The following SNTG2 variants were observed in gnomAD, a reference collection of about 807,000 sequenced individuals.
SNTG2 encodes gamma-2-syntrophin.
SNTG2 carries 74 observed loss-of-function variants against 70.9 expected under a neutral mutation model. The ratio of observed to expected loss-of-function variants is 1.04; its 90% CI spans 0.86 to 1.27. SNTG2 has a LOEUF of 1.27. SNTG2 is among the 50% of genes most tolerant of loss of function. The pLI, the probability that SNTG2 is intolerant of heterozygous loss-of-function variation, is 0.00. For missense variants in SNTG2, 717 were observed against 690.7 expected (o/e 1.04, Z -0.43); for synonymous variants, 278 against 273.8 (o/e 1.02, Z -0.15).
At chr2:1,270,420 G>A (rs939871213) in intron 14 of SNTG2, among the ~76,000 whole-genome samples, 2 of 152,150 alleles carry the variant, frequency 1.3e-5, no homozygotes, top group Non-Finnish European at 2.9e-5. Context: ...TGCATTGCAC[G>A]TACATCATTT....
chr2:1,260,503 G>A (rs981916295), intron 13 of SNTG2, among the ~76,000 whole-genome samples: 1 of 152,158 alleles, frequency 6.6e-6, no homozygotes, highest in Non-Finnish European at 1.5e-5. Flanking sequence ...CTAATTACAG[G>A]TTGTAATAAA....
At chr2:1,089,078 C>T (rs1207604466) in intron 2 of SNTG2, among the ~76,000 whole-genome samples, 1 of 152,204 alleles carries the variant, frequency 6.6e-6, no homozygotes, top group East Asian at 1.9e-4. Flanking sequence ...TTCATACCTT[C>T]AGGAGAAAAG....
chr2:1,229,103 A>C (rs1676006231), intron 9 of SNTG2, among the ~76,000 whole-genome samples: 1 of 152,158 alleles, frequency 6.6e-6, no homozygotes, highest in Non-Finnish European at 1.5e-5. Context: ...TTTATTGCAA[A>C]GAGCAAAAGA....
chr2:1,135,637 G>A (rs1050668314), intron 4 of SNTG2, among the ~76,000 whole-genome samples: 20 of 152,106 alleles, frequency 1.3e-4, no homozygotes, highest in Non-Finnish European at 2.6e-4. Context: ...CAAAAGAATC[G>A]CTTGAACCCA....
chr2:1,019,871 C>G (rs532654066), intron 1 of SNTG2, among the ~76,000 whole-genome samples: 10 of 152,016 alleles, frequency 6.6e-5, no homozygotes, highest in African/African-American at 2.4e-4. Context: ...GGTGAAACCC[C>G]GTCTCTACAA....
At chr2:1,257,299 A>T (rs1348327263) in intron 12 of SNTG2, among the ~76,000 whole-genome samples, 1 of 152,190 alleles carries the variant, frequency 6.6e-6, no homozygotes, top group Non-Finnish European at 1.5e-5. Flanking sequence ...GTTGGCGAAG[A>T]TGATGAGAAT....
chr2:978,327 C>T (rs1186760350), intron 1 of SNTG2, among the ~76,000 whole-genome samples: 2 of 152,154 alleles, frequency 1.3e-5, no homozygotes, highest in Non-Finnish European at 2.9e-5. Flanking sequence ...GTGATTCAGG[C>T]ATTATTCAAC....
chr2:1,001,272 G>T (rs1054966324), intron 1 of SNTG2, among the ~76,000 whole-genome samples: 5 of 151,988 alleles, frequency 3.3e-5, no homozygotes, highest in African/African-American at 1.2e-4. Flanking sequence ...AGCCAGATCA[G>T]TCAGTAAAGA....
Position 1,237,882 on chromosome 2 carries a change from C to G in SNTG2, c.720-6C>G. 5.6e-6 allele frequency: 9 copies of G among 1,597,454 alleles called. No homozygotes were observed. Among genetic ancestry groups the G allele is most frequent in the Non-Finnish European group, 7.7e-6 (9 of 1,172,398 alleles). On this transcript the variant is annotated splice_region_variant and splice_polypyrimidine_tract_variant and intron_variant, in intron 9 of 16. Coordinates refer to ENST00000308624, the MANE Select transcript of SNTG2 (RefSeq NM_018968.4). ...GGGCCTCCTGGACAGCTCTCTCCCT[C>G]CCCAGGTGGAATGCGTTCGAGGTGC...
At chr2:956,248 CGCCCCTGCGCCTCCCCCTGCCCT>C (rs1423083073) in intron 1 of SNTG2, among the ~76,000 whole-genome samples, 1 of 123,352 alleles carries the variant, frequency 8.1e-6, no homozygotes, top group Non-Finnish European at 1.7e-5. Flanking sequence ...TGCCCCGCCC[CGCCCCTGCGCCTCCCCCTGCCCT>C]GCCCCTGCAC....
At chr2:1,279,071 G>A (rs1297336763) in intron 14 of SNTG2, among the ~76,000 whole-genome samples, 2 of 77,252 alleles carry the variant, frequency 2.6e-5, no homozygotes, top group Admixed American at 1.9e-4. Context: ...CTGTCAGTGC[G>A]CGAATGACCC....
intron 1 of SNTG2, among the ~76,000 whole-genome samples, chr2:985,599 T>C (rs2147972098): frequency 6.6e-6 from 1 of 152,236 alleles, no homozygotes; most frequent in Non-Finnish European, 1.5e-5. Context: ...CACAGGATAA[T>C]TTTCAGAGAG....
chr2:1,256,069 T>C (rs994801840), intron 12 of SNTG2, among the ~76,000 whole-genome samples: 1 of 151,182 alleles, frequency 6.6e-6, no homozygotes, highest in African/African-American at 2.4e-5. Context: ...TAGGGTGTAT[T>C]TACAGAAACC....
At chr2:987,604 C>T (rs1249409211) in intron 1 of SNTG2, among the ~76,000 whole-genome samples, 1 of 152,070 alleles carries the variant, frequency 6.6e-6, no homozygotes, top group Non-Finnish European at 1.5e-5. Flanking sequence ...CTCTGAAAGC[C>T]GAGCAGCCCT....
At chr2:1,083,431 T>C in intron 1 of SNTG2, 87 bp from the exon 2 acceptor site, 1 of 1,434,034 alleles carries the variant, frequency 7.0e-7, no homozygotes, top group South Asian at 1.2e-5. Flanking sequence ...TTTAGGATTG[T>C]CTTGAGCAGG....
intron 16 of SNTG2, chr2:1,341,285 C>T (rs1660072700): frequency 6.6e-6 from 1 of 152,178 alleles, no homozygotes; most frequent in Non-Finnish European, 1.5e-5. Context: ...ACAGCTGACA[C>T]CCCTACAGCA....
chr2:1,290,024 G>A lies in SNTG2; in HGVS notation c.1285-18470G>A, dbSNP rs887195438. Among the ~76,000 whole-genome samples the A allele has an allele frequency of 4.6e-5, 7 of 152,120 alleles. 1 individual carries two copies. The highest frequency in any genetic ancestry group is 4.1e-4 in the South Asian group (2 of 4,822). ...TATGGATATAACATTTTGTTTATCC[G>A]TTCATCCTTTGATGGACACTTGAGT... On this transcript the variant is annotated intron_variant, in intron 14 of 16. Transcript: ENST00000308624.
At chr2:1,151,070 G>A (rs4971390) in intron 6 of SNTG2, among the ~76,000 whole-genome samples, 141,183 of 152,194 alleles carry the variant, frequency 0.93, 65,674 homozygotes, top group Non-Finnish European at 0.97. Context: ...CCACTGAGTT[G>A]GAAAAGTATA....
intron 1 of SNTG2, among the ~76,000 whole-genome samples, chr2:990,762 A>G (rs1661462340): frequency 6.6e-6 from 1 of 152,206 alleles, no homozygotes; most frequent in South Asian, 2.1e-4. Context: ...TTATTAAAAT[A>G]AATGCAATAA....
Sources: gnomAD v4.1 joint callset for allele counts (sites outside exome capture counted in the v4.1 genomes callset) on GRCh38, gnomAD v4.1.1 for gene constraint, MANE v1.5 for transcripts, NCBI Gene and HGNC (gene_info 2026-07-23, HGNC 2026-07-21) for gene names.